The following PRMT9 variants were observed in gnomAD, a reference collection of about 807,000 sequenced individuals.
PRMT9 encodes the protein protein arginine N-methyltransferase 9.
A neutral mutation model predicts 83.2 loss-of-function variants in PRMT9; 59 were observed. The ratio of observed to expected loss-of-function variants is 0.71; its 90% confidence interval spans 0.57 to 0.88. The LOEUF (loss-of-function observed/expected upper bound fraction) is 0.88. PRMT9 is among the 40% of genes least tolerant of loss of function. PRMT9 has a pLI of 0.00. For synonymous variants in PRMT9, 333 were observed against 353.2 expected (o/e 0.94, Z 0.64); for missense variants, 947 against 1,021.9 (o/e 0.93, Z 1.00).
chr4:147,648,239 G>C (rs1411792367), intron 9 of PRMT9, among the ~76,000 whole-genome samples: 2 of 151,994 alleles, frequency 1.3e-5, no homozygotes, highest in Non-Finnish European at 2.9e-5. Flanking sequence ...AAGATTAGAG[G>C]ATTGGGACTT....
At chr4:147,646,796 A>G (rs949266361) in intron 9 of PRMT9, among the ~76,000 whole-genome samples, 3 of 152,116 alleles carry the variant, frequency 2.0e-5, no homozygotes, top group African/African-American at 7.2e-5. Flanking sequence ...GCTCAGTCCC[A>G]CATGAATGCC....
chr4:147,658,115 C>T (rs933594151), intron 7 of PRMT9, 140 bp from the exon 8 acceptor site: 5 of 622,538 alleles, frequency 8.0e-6, no homozygotes, highest in Non-Finnish European at 1.4e-5. Context: ...CACCTATAAC[C>T]ATGTAAGGCC....
In PRMT9 at chr4:147,660,708, A is replaced by G. The variant is rs188093525; in HGVS notation, c.1146+138T>C. ...ATAATTTCAGGAAGAAATTCTAATT[A>G]CCCTTTAATCATTTTCTTTACATAC... On this transcript the variant is annotated intron_variant, in intron 7 of 11. Coordinates refer to ENST00000322396, the MANE Select transcript of PRMT9 (RefSeq NM_138364.4). The G allele has an allele frequency of 2.7e-4, 166 of 623,304 alleles. No individual in the cohort carries two copies. The Admixed American group carries it at 4.3e-3, about 16-fold the overall frequency. 38.6% of individuals were successfully genotyped at this position (623,304 alleles called of 1,614,324 possible). A position where few individuals can be genotyped will look rare whatever the true frequency, so the allele number is the denominator to read the frequency against.
intron 2 of PRMT9, among the ~76,000 whole-genome samples, chr4:147,678,222 C>G (rs1736224977): frequency 1.3e-5 from 2 of 152,046 alleles, no homozygotes; most frequent in Admixed American, 1.3e-4. Context: ...GTTCATTATT[C>G]ATAACATTAA....
At chr4:147,672,229 T>C (rs1229711130) in intron 4 of PRMT9, among the ~76,000 whole-genome samples, 1 of 152,230 alleles carries the variant, frequency 6.6e-6, no homozygotes, top group Non-Finnish European at 1.5e-5. Flanking sequence ...AATACTATTA[T>C]ATGTATGGAA....
intron 4 of PRMT9, chr4:147,671,786 T>C (rs1735748778): frequency 2.2e-6 from 1 of 452,462 alleles, no homozygotes. Flanking sequence ...TCTACAACAT[T>C]ATCTGTGAGA....
chr4:147,662,144 TATAAC>T (rs958061393), intron 6 of PRMT9, among the ~76,000 whole-genome samples: 3 of 152,176 alleles, frequency 2.0e-5, no homozygotes, highest in African/African-American at 7.2e-5. Context: ...CTATCAGTAA[TATAAC>T]AGACAAATCT....
chr4:147,678,486 CAG>C (rs1736245088), intron 2 of PRMT9, among the ~76,000 whole-genome samples: 1 of 152,172 alleles, frequency 6.6e-6, no homozygotes, highest in African/African-American at 2.4e-5. Flanking sequence ...TACTAGTATG[CAG>C]AGTTAACATA....
At position 147,653,243 on chromosome 4, in the gene PRMT9, G is replaced by A. The variant is rs533639120; in HGVS notation, c.2045+609C>T. Reference sequence around the variant, plus strand: ...GGGTGTGGATCACTTGAGGTCAGGCGTTCAAAACCAGCCTGACCAACATGG... The same window carrying A: ...GGGTGTGGATCACTTGAGGTCAGGCATTCAAAACCAGCCTGACCAACATGG... On this transcript the variant is annotated intron_variant, in intron 9 of 11. Coordinates refer to ENST00000322396, the MANE Select transcript of PRMT9 (RefSeq NM_138364.4). Among the ~76,000 whole-genome samples, 71 of 151,758 alleles carry A rather than the reference G, an allele frequency of 4.7e-4. 1 individual carries two copies. Among genetic ancestry groups the A allele is most frequent in the Admixed American group, 9.9e-4 (15 of 15,226 alleles).
intron 7 of PRMT9, 48 bp from the exon 8 acceptor site, chr4:147,658,023 T>TAAA: frequency 7.1e-6 from 9 of 1,264,962 alleles, no homozygotes; most frequent in Non-Finnish European, 1.0e-5. Flanking sequence ...ATTTCATATA[T>TAAA]ACTTGCCTCA....
intron 10 of PRMT9, 43 bp downstream of exon 10, chr4:147,642,744 T>C: frequency 1.3e-6 from 2 of 1,537,018 alleles, no homozygotes. Context: ...GATGGTAGAC[T>C]GTTCAACAGC....
At chr4:147,640,077 TTTTTTTTTTTTTTAA>T (rs1051543323) in intron 10 of PRMT9, among the ~76,000 whole-genome samples, 20 of 90,284 alleles carry the variant, frequency 2.2e-4, no homozygotes, top group East Asian at 6.1e-4. Flanking sequence ...TTTTTTTTTT[TTTTTTTTTTTTTTAA>T]TATAGGGTCT....
At chr4:147,678,293 GA>G (rs1736231677) in intron 2 of PRMT9, among the ~76,000 whole-genome samples, 1 of 152,142 alleles carries the variant, frequency 6.6e-6, no homozygotes, top group Non-Finnish European at 1.5e-5. Context: ...GGAAATGCAT[GA>G]AAATACCTAA....
chr4:147,678,355 G>A (rs1039337377), intron 2 of PRMT9, among the ~76,000 whole-genome samples: 1 of 152,200 alleles, frequency 6.6e-6, no homozygotes, highest in African/African-American at 2.4e-5. Flanking sequence ...GTGAGCAATT[G>A]TCACTTTCAA....
intron 6 of PRMT9, among the ~76,000 whole-genome samples, chr4:147,662,476 C>T (rs1351525908): frequency 6.6e-6 from 1 of 152,148 alleles, no homozygotes; most frequent in Non-Finnish European, 1.5e-5. Flanking sequence ...ATGGCTTACA[C>T]ACTTGCTATA....
chr4:147,649,669 C>T (rs919369939), intron 9 of PRMT9, among the ~76,000 whole-genome samples: 6 of 152,058 alleles, frequency 3.9e-5, no homozygotes, highest in Non-Finnish European at 7.4e-5. Flanking sequence ...CGCTTGGCTA[C>T]GTTTTTTTTA....
At chr4:147,669,659 C>T (rs983816517) in intron 5 of PRMT9, among the ~76,000 whole-genome samples, 8 of 151,932 alleles carry the variant, frequency 5.3e-5, no homozygotes, top group African/African-American at 1.7e-4. Flanking sequence ...AGTTCAAGAC[C>T]AGCCAGGCCA....
chr4:147,675,197 C>T (rs1430302667), intron 2 of PRMT9, among the ~76,000 whole-genome samples: 1 of 152,066 alleles, frequency 6.6e-6, no homozygotes. Context: ...TCAGGCTGGT[C>T]GCAAACTCCC....
chr4:147,681,982 T>C (rs999815047), intron 1 of PRMT9, among the ~76,000 whole-genome samples: 2 of 152,070 alleles, frequency 1.3e-5, no homozygotes, highest in Non-Finnish European at 2.9e-5. Flanking sequence ...TGTCAGGCAT[T>C]GCACTACAAA....
Sources: allele counts gnomAD v4.1 joint callset (sites outside exome capture counted in the v4.1 genomes callset), GRCh38; gene constraint gnomAD v4.1.1; transcripts MANE v1.5; gene names NCBI Gene and HGNC (gene_info 2026-07-23, HGNC 2026-07-21).